Variants in DNAH12 observed in about 807,000 individuals in gnomAD.
The protein encoded by DNAH12 is dynein axonemal heavy chain 12, also known as axonemal beta dynein heavy chain 12.
Under a neutral mutation model 371.5 loss-of-function variants are expected in DNAH12, and 285 were observed. That is an observed-to-expected ratio of 0.77 (90% CI 0.70 to 0.85). The LOEUF (loss-of-function observed/expected upper bound fraction) is 0.85, where lower values mean the gene tolerates loss of function less well. Among genes scored for constraint, DNAH12 ranks in the 40% least tolerant of loss-of-function variants. DNAH12 has a pLI of 0.00. For synonymous variants in DNAH12, 1,200 were observed against 1,213.0 expected (o/e 0.99, Z 0.22); for missense variants, 3,611 against 3,689.4 (o/e 0.98, Z 0.55).
intron 30 of DNAH12, among the ~76,000 whole-genome samples, chr3:57,434,283 A>T (rs2065052240): frequency 6.6e-6 from 1 of 152,072 alleles, no homozygotes. Flanking sequence ...ACGGGTAATA[A>T]ATGGAAATGA....
At chr3:57,395,037 TAA>T (rs1354271435) in intron 43 of DNAH12, among the ~76,000 whole-genome samples, 1 of 152,150 alleles carries the variant, frequency 6.6e-6, no homozygotes, top group African/African-American at 2.4e-5. Context: ...TGCAATTATA[TAA>T]AAATATAATT....
chr3:57,545,578 G>A (rs922553706), upstream of DNAH12, among the ~76,000 whole-genome samples: 3 of 151,888 alleles, frequency 2.0e-5, no homozygotes, highest in Non-Finnish European at 2.9e-5. Context: ...GGAGTGCAGC[G>A]GCACCATCAT....
intron 4 of DNAH12, 39 bp from the exon 5 acceptor site, chr3:57,511,018 G>A (rs779396687): frequency 2.0e-6 from 3 of 1,490,426 alleles, no homozygotes; most frequent in South Asian, 1.3e-5. Flanking sequence ...CTGCATGGTT[G>A]TATCATTTCA....
intron 65 of DNAH12, among the ~76,000 whole-genome samples, chr3:57,320,748 G>C (rs1015107197): frequency 2.6e-5 from 4 of 152,148 alleles, no homozygotes; most frequent in African/African-American, 9.7e-5. Flanking sequence ...CTGAATTAGA[G>C]ACTCTGGGGA....
chr3:57,306,199 T>C (rs2107667589), intron 69 of DNAH12, among the ~76,000 whole-genome samples: 1 of 152,258 alleles, frequency 6.6e-6, no homozygotes, highest in East Asian at 1.9e-4. Context: ...CCATCACGGA[T>C]GCCAAGCTTC....
intron 60 of DNAH12, among the ~76,000 whole-genome samples, chr3:57,338,781 C>A (rs1553654998): frequency 6.6e-6 from 1 of 152,124 alleles, no homozygotes; most frequent in East Asian, 1.9e-4. Context: ...TGCCCAGCCA[C>A]CCCGTCTGGG....
At chr3:57,489,013 T>C (rs144214617) in intron 12 of DNAH12, among the ~76,000 whole-genome samples, 2 of 152,150 alleles carry the variant, frequency 1.3e-5, no homozygotes, top group South Asian at 2.1e-4. Context: ...CCAAAATCTG[T>C]TTAAACAAAA....
chr3:57,450,048 G>A (rs2065705239), intron 25 of DNAH12, among the ~76,000 whole-genome samples: 1 of 152,208 alleles, frequency 6.6e-6, no homozygotes, highest in African/African-American at 2.4e-5. Context: ...AGGAGTTCAA[G>A]ACCAGCCTGG....
chr3:57,307,607 T>C (rs544091823), intron 69 of DNAH12, among the ~76,000 whole-genome samples: 1 of 152,264 alleles, frequency 6.6e-6, no homozygotes, highest in East Asian at 1.9e-4. Context: ...TCTCATAATT[T>C]CCAAAATCTA....
chr3:57,357,879 T>TTA (rs2062836629), intron 58 of DNAH12, among the ~76,000 whole-genome samples: 1 of 152,304 alleles, frequency 6.6e-6, no homozygotes, highest in South Asian at 2.1e-4. Context: ...ATTGATGGTT[T>TTA]TATATACAAG....
chr3:57,499,374 G>A, intron 11 of DNAH12, among the ~76,000 whole-genome samples: 1 of 151,616 alleles, frequency 6.6e-6, no homozygotes, highest in Non-Finnish European at 1.5e-5. Context: ...TAAACTAAAT[G>A]TCAAGTTGAT....
At position 57,309,646 on chromosome 3, in the gene DNAH12, T is replaced by A; in HGVS notation, c.11085+20A>T. The A allele has an allele frequency of 6.9e-7, 1 of 1,450,028 alleles. No individual in the cohort carries two copies. The highest frequency in any genetic ancestry group is 1.4e-5 in the African/African-American group (1 of 69,392). 89.8% of individuals were successfully genotyped at this position (1,450,028 alleles called of 1,614,324 possible). A position where few individuals can be genotyped will look rare whatever the true frequency, so the allele number is the denominator to read the frequency against. On this transcript the variant is annotated intron_variant, in intron 68 of 73. Transcript: ENST00000495027. ...ATTTTTATTTATATTATAAGTAACA[T>A]ATTTTAAGCTGAACATTACCTTGTT...
intron 29 of DNAH12, among the ~76,000 whole-genome samples, chr3:57,441,134 C>G (rs1398955325): frequency 6.6e-6 from 1 of 151,634 alleles, no homozygotes; most frequent in African/African-American, 2.4e-5. Flanking sequence ...AATACATTTA[C>G]AAAGTATAAA....
At chr3:57,306,339 A>T (rs1463940555) in intron 69 of DNAH12, among the ~76,000 whole-genome samples, 1 of 152,130 alleles carries the variant, frequency 6.6e-6, no homozygotes, top group Non-Finnish European at 1.5e-5. Flanking sequence ...ATTGACGGCC[A>T]GGCTTCTAAA....
At chr3:57,506,548 T>C (rs1158584554) in intron 8 of DNAH12, among the ~76,000 whole-genome samples, 2 of 152,078 alleles carry the variant, frequency 1.3e-5, no homozygotes, top group Non-Finnish European at 2.9e-5. Context: ...CTCAAACTAT[T>C]CTCGTGCCTC....
At chr3:57,309,934 A>G in intron 67 of DNAH12, 80 bp from the exon 68 acceptor site, 1 of 1,268,700 alleles carries the variant, frequency 7.9e-7, no homozygotes. Context: ...ACTCCAAAAT[A>G]TGCTACTTTG....
rs1013397408 is a variant in DNAH12, at chr3:57,470,493, G to C, written c.2055C>G (p.Pro685=). The change falls in exon 16 of 74, where the codon CCC becomes CCG. Residue 685 remains proline (P), a synonymous_variant. Transcript: ENST00000495027. The part of the protein sequence containing the change: ...ELDKLKVNIE[P]YQKFFNFVLK... ...AAACAAAATTAAAAAACTTCTGATAGGGCTCAATGTTAACTTTTAATTTAT... is the reference window on the plus strand; with the variant it reads ...AAACAAAATTAAAAAACTTCTGATACGGCTCAATGTTAACTTTTAATTTAT... 6 of 1,543,154 alleles carry C rather than the reference G, an allele frequency of 3.9e-6. No homozygotes were observed. The highest frequency in any genetic ancestry group is 5.2e-6 in the Non-Finnish European group (6 of 1,144,720).
Position 57,453,255 on chromosome 3 carries a change from A to T in DNAH12, c.3605T>A (p.Ile1202Asn). The change falls in exon 24 of 74, where the codon ATT (isoleucine) becomes AAT (asparagine). Residue 1202 changes from isoleucine to asparagine, a missense_variant. Physicochemically the swap from Ile to Asn is moderately radical, Grantham distance 149 (BLOSUM62 -3). Around this residue, in one of 3 missense-constraint regions of DNAH12, gnomAD observed 31 missense variants for 53.8 expected, o/e 0.58. Coordinates refer to ENST00000495027, the MANE Select transcript of DNAH12 (RefSeq NM_001366028.2). ...VHARDVVMDMIKMGVSHDTDF... is the reference protein window; with the variant it reads ...VHARDVVMDMNKMGVSHDTDF... ...AAGAAAAAGTCACATACCCATTTTAATCATGTCCATGACCACATCTCTAGC... is the reference window on the plus strand; with the variant it reads ...AAGAAAAAGTCACATACCCATTTTATTCATGTCCATGACCACATCTCTAGC... 1 of 1,524,904 alleles carries T rather than the reference A, an allele frequency of 6.6e-7. No homozygotes were observed. Among genetic ancestry groups the T allele is most frequent in the South Asian group, 1.3e-5 (1 of 78,030 alleles). 94.5% of individuals were successfully genotyped at this position (1,524,904 alleles called of 1,614,324 possible).
intron 22 of DNAH12, among the ~76,000 whole-genome samples, chr3:57,457,520 C>A (rs1393757893): frequency 6.6e-6 from 1 of 152,126 alleles, no homozygotes; most frequent in Non-Finnish European, 1.5e-5. Flanking sequence ...TCTCATAATA[C>A]CTTTTCTCTT....
Sources: allele counts gnomAD v4.1 joint callset (sites outside exome capture counted in the v4.1 genomes callset), GRCh38; gene constraint gnomAD v4.1.1; regional missense constraint gnomAD v4.1.1; transcripts MANE v1.5; gene names NCBI Gene and HGNC (gene_info 2026-07-23, HGNC 2026-07-21).